CSMD1: variants seen among roughly 807,000 people sequenced by gnomAD.
The protein encoded by CSMD1 is CUB and Sushi multiple domains 1.
A neutral mutation model predicts 417.5 loss-of-function variants in CSMD1; 213 were observed. That is an observed-to-expected ratio of 0.51 (90% CI 0.46 to 0.57). The LOEUF (loss-of-function observed/expected upper bound fraction) is 0.57, where lower values mean the gene tolerates loss of function less well. CSMD1 is among the 20% of genes least tolerant of loss of function. The pLI, the probability that CSMD1 is intolerant of heterozygous loss-of-function variation, is 0.00. For synonymous variants in CSMD1, 2,862 were observed against 1,736.8 expected (o/e 1.65, Z -16.11); for missense variants, 6,923 against 4,529.7 (o/e 1.53, Z -15.17).
At chr8:4,293,971 C>T (rs188884453) in intron 3 of CSMD1, among the ~76,000 whole-genome samples, 5 of 151,934 alleles carry the variant, frequency 3.3e-5, no homozygotes, top group Admixed American at 6.5e-5. Context: ...AAAGCTGGTG[C>T]TTTTTGAACT....
intron 1 of CSMD1, among the ~76,000 whole-genome samples, chr8:4,858,126 A>G (rs1801913340): frequency 1.3e-5 from 2 of 151,118 alleles, no homozygotes; most frequent in South Asian, 2.1e-4. Context: ...AAATCAATAA[A>G]TGTAATCCAG....
At chr8:4,336,168 C>G (rs964359991) in intron 3 of CSMD1, among the ~76,000 whole-genome samples, 1 of 152,052 alleles carries the variant, frequency 6.6e-6, no homozygotes, top group South Asian at 2.1e-4. Flanking sequence ...AATCATACTC[C>G]TGGTTTGCGG....
chr8:3,997,392 A>G (rs187023311), intron 5 of CSMD1, among the ~76,000 whole-genome samples: 37 of 151,782 alleles, frequency 2.4e-4, no homozygotes, highest in Admixed American at 2.2e-3. Context: ...CATATAGTGG[A>G]CTAAGATGTG....
intron 5 of CSMD1, among the ~76,000 whole-genome samples, chr8:3,918,471 T>C (rs1023745013): frequency 2.6e-5 from 4 of 152,208 alleles, no homozygotes; most frequent in African/African-American, 9.6e-5. Context: ...TTTATATACC[T>C]GTTGGACGTT....
intron 1 of CSMD1, among the ~76,000 whole-genome samples, chr8:4,816,677 G>C (rs1486464016): frequency 6.6e-6 from 1 of 152,158 alleles, no homozygotes; most frequent in Non-Finnish European, 1.5e-5. Flanking sequence ...AAGCTCATCA[G>C]AAAGCAGGAC....
At chr8:3,848,988 T>C (rs1158662211) in intron 5 of CSMD1, among the ~76,000 whole-genome samples, 3 of 151,752 alleles carry the variant, frequency 2.0e-5, no homozygotes, top group Non-Finnish European at 4.4e-5. Context: ...GTTAATCTTA[T>C]AATAATGGAC....
At chr8:3,934,621 A>C (rs1001753806) in intron 5 of CSMD1, among the ~76,000 whole-genome samples, 4 of 152,110 alleles carry the variant, frequency 2.6e-5, no homozygotes, top group Non-Finnish European at 4.4e-5. Flanking sequence ...TTGGCAGGCC[A>C]AGGAGGTAGA....
At chr8:4,013,332 G>A (rs191852731) in intron 4 of CSMD1, among the ~76,000 whole-genome samples, 3 of 152,182 alleles carry the variant, frequency 2.0e-5, no homozygotes, top group South Asian at 2.1e-4. Flanking sequence ...GTACGCTGTT[G>A]TCTCAAGGCC....
intron 9 of CSMD1, among the ~76,000 whole-genome samples, chr8:3,582,827 T>C (rs1460709750): frequency 6.6e-6 from 1 of 152,244 alleles, no homozygotes; most frequent in Non-Finnish European, 1.5e-5. Context: ...CTTTCCCTTT[T>C]TAGTCTAGCT....
intron 48 of CSMD1, among the ~76,000 whole-genome samples, chr8:3,087,944 T>A (rs952453194): frequency 1.4e-4 from 21 of 152,242 alleles, no homozygotes; most frequent in Admixed American, 1.4e-3. Flanking sequence ...ATATATAACA[T>A]TTTCTTAATC....
intron 1 of CSMD1, among the ~76,000 whole-genome samples, chr8:4,729,261 G>C (rs770267213): frequency 7.2e-5 from 11 of 152,076 alleles, no homozygotes; most frequent in Non-Finnish European, 1.6e-4. Context: ...AAGAAAATAA[G>C]AATAAAAACC....
intron 10 of CSMD1, among the ~76,000 whole-genome samples, chr8:3,505,281 C>T (rs144533018): frequency 2.6e-5 from 4 of 152,256 alleles, no homozygotes; most frequent in African/African-American, 9.6e-5. Context: ...TTAACATTTA[C>T]ATCAATCAAC....
chr8:4,157,069 T>A (rs551438625), intron 3 of CSMD1, among the ~76,000 whole-genome samples: 1 of 152,242 alleles, frequency 6.6e-6, no homozygotes, highest in South Asian at 2.1e-4. Flanking sequence ...AGAACAGGGA[T>A]GGACCCGCCA....
intron 1 of CSMD1, among the ~76,000 whole-genome samples, chr8:4,796,634 C>A (rs964128272): frequency 6.6e-6 from 1 of 152,098 alleles, no homozygotes; most frequent in African/African-American, 2.4e-5. Context: ...GGTGGCATAC[C>A]CATGGGGAAA....
At chr8:3,397,635 G>C (rs1235199654) in intron 16 of CSMD1, among the ~76,000 whole-genome samples, 1 of 152,172 alleles carries the variant, frequency 6.6e-6, no homozygotes, top group East Asian at 1.9e-4. Flanking sequence ...TTTCTCAGTT[G>C]TTTGAGTTCA....
intron 7 of CSMD1, among the ~76,000 whole-genome samples, chr8:3,701,216 G>C (rs1800846432): frequency 1.3e-5 from 2 of 152,136 alleles, no homozygotes; most frequent in African/African-American, 2.4e-5. Context: ...AGAAATGCAG[G>C]TTAAGCCACG....
Position 4,981,074 on chromosome 8 carries a change from G to A in CSMD1, c.85+13258C>T, listed in dbSNP as rs551420003. On this transcript the variant is annotated intron_variant, in intron 1 of 69. Coordinates refer to ENST00000635120, the MANE Select transcript of CSMD1 (RefSeq NM_033225.6). ...GATTCAAGCGTGAACACCATGATGC[G>A]TGCATCTTTGCAGATATTTCCCATG... Among the ~76,000 whole-genome samples the A allele has an allele frequency of 1.8e-4, 28 of 152,258 alleles. No homozygotes were observed. The South Asian group carries it at 3.9e-3, about 21-fold the overall frequency.
chr8:3,417,211 T>C (rs979618464), intron 12 of CSMD1, among the ~76,000 whole-genome samples: 2 of 152,214 alleles, frequency 1.3e-5, no homozygotes, highest in African/African-American at 2.4e-5. Context: ...AGATGTACTA[T>C]GATGATGTTC....
intron 26 of CSMD1, among the ~76,000 whole-genome samples, chr8:3,263,015 C>G (rs777803954): frequency 4.6e-5 from 7 of 152,164 alleles, no homozygotes; most frequent in Non-Finnish European, 1.0e-4. Flanking sequence ...GGCAATAAAT[C>G]TCCTTGACCC....
Sources: allele counts gnomAD v4.1 joint callset (sites outside exome capture counted in the v4.1 genomes callset), GRCh38; gene constraint gnomAD v4.1.1; transcripts MANE v1.5; gene names NCBI Gene and HGNC (gene_info 2026-07-23, HGNC 2026-07-21).